The following ITGB1BP1 variants were observed in gnomAD, a reference collection of about 807,000 sequenced individuals.
The protein encoded by ITGB1BP1 is integrin subunit beta 1 binding protein 1.
Under a neutral mutation model 28.0 loss-of-function variants are expected in ITGB1BP1, and 20 were observed. The ratio of observed to expected loss-of-function variants is 0.71; its 90% CI spans 0.50 to 1.04. ITGB1BP1 has a LOEUF of 1.04. Ranked by LOEUF, ITGB1BP1 falls within the 50% of genes least tolerant of loss-of-function variation. The pLI, the probability that ITGB1BP1 is intolerant of heterozygous loss-of-function variation, is 0.00. For synonymous variants in ITGB1BP1, 103 were observed against 89.5 expected (o/e 1.15, Z -0.85); for missense variants, 228 against 242.5 (o/e 0.94, Z 0.40).
intron 2 of ITGB1BP1, among the ~76,000 whole-genome samples, chr2:9,416,289 G>A (rs1054559248): frequency 6.6e-6 from 1 of 152,068 alleles, no homozygotes; most frequent in Non-Finnish European, 1.5e-5. Context: ...ACTTCTCTGG[G>A]CTAAGTACCC....
chr2:9,407,001 C>T, intron 6 of ITGB1BP1, 96 bp from the exon 7 acceptor site: 1 of 913,590 alleles, frequency 1.1e-6, no homozygotes, highest in Admixed American at 1.8e-5. Flanking sequence ...CCTCTTAAGA[C>T]CTCTCCTAAG....
chr2:9,407,734 G>T, intron 5 of ITGB1BP1, 136 bp from the exon 6 acceptor site: 3 of 933,256 alleles, frequency 3.2e-6, no homozygotes, highest in Non-Finnish European at 4.8e-6. Context: ...TGTCCTGTAT[G>T]CTCAGTCTCG....
rs34086297 is a variant in ITGB1BP1, at chr2:9,412,254, A to ATT, written c.288+13_288+14dup. 5,725 of 1,382,546 alleles carry ATT rather than the reference A, an allele frequency of 4.1e-3. 1 individual carries two copies. The highest frequency in any genetic ancestry group is 4.8e-3 in the Non-Finnish European group (4,888 of 1,011,518). The allele number at this position is 1,382,546 out of a possible 1,614,324, so 85.6% of individuals were successfully genotyped here. ...ACTCTCATAACCAGAGAGTTACGGAATTTTTTTTTTTTACCTGGGCAACGT... is the reference window on the plus strand; with the variant it reads ...ACTCTCATAACCAGAGAGTTACGGAATTTTTTTTTTTTTTACCTGGGCAACGT... On this transcript the variant is annotated intron_variant, in intron 4 of 6. Coordinates refer to ENST00000355346, the MANE Select transcript of ITGB1BP1 (RefSeq NM_004763.5).
At chr2:9,421,907 C>T (rs1292533927) in intron 1 of ITGB1BP1, among the ~76,000 whole-genome samples, 1 of 152,034 alleles carries the variant, frequency 6.6e-6, no homozygotes, top group Non-Finnish European at 1.5e-5. Context: ...CTTCAGGCCC[C>T]ACATCCAATC....
chr2:9,407,155 C>T (rs1345769701), intron 6 of ITGB1BP1: 2 of 599,426 alleles, frequency 3.3e-6, no homozygotes, highest in African/African-American at 3.7e-5. Flanking sequence ...AGGAGGGCAA[C>T]AACGTTCGGA....
chr2:9,406,769 T>C lies in ITGB1BP1; in HGVS notation c.*65A>G. 1 of 1,031,788 alleles carries C rather than the reference T, an allele frequency of 9.7e-7. No homozygotes were observed. The highest frequency in any genetic ancestry group is 1.3e-5 in the South Asian group (1 of 79,392). 63.9% of individuals were successfully genotyped at this position (1,031,788 alleles called of 1,614,324 possible). ...ATAACTTCATTATTTGCATAACATT[T>C]CAGCATTGCAGTTTGAAAACAGCTG... On this transcript the variant is annotated 3_prime_UTR_variant, in exon 7 of 7. Coordinates refer to ENST00000355346, the MANE Select transcript of ITGB1BP1 (RefSeq NM_004763.5).
rs878857962 is a variant in ITGB1BP1 at position 9,406,008 on chromosome 2, A to G, written c.*826T>C. On this transcript the variant is annotated 3_prime_UTR_variant, in exon 7 of 7. Coordinates refer to ENST00000355346, the MANE Select transcript of ITGB1BP1 (RefSeq NM_004763.5). ...AAGCCACCACTGAGCCCATGTCCTC[A>G]GTCTTCCTCAGGCCTTCAGTGTGTG... 8 of 147,626 alleles carry G rather than the reference A, an allele frequency of 5.4e-5. No homozygotes were observed. Among genetic ancestry groups the G allele is most frequent in the Non-Finnish European group, 7.6e-5 (5 of 65,652 alleles). 9.1% of individuals were successfully genotyped at this position (147,626 alleles called of 1,614,324 possible).
intron 1 of ITGB1BP1, chr2:9,422,980 G>C (rs1023198520): frequency 1.0e-6 from 1 of 987,232 alleles, no homozygotes; most frequent in Non-Finnish European, 1.2e-6. Flanking sequence ...CTGTCACCGT[G>C]ATGGAGCACC....
rs1162965951 is a variant in ITGB1BP1 at position 9,404,281 on chromosome 2, T to C, written c.*2553A>G. 1 of 152,230 alleles carries C rather than the reference T, an allele frequency of 6.6e-6. No individual in the cohort carries two copies. The highest frequency in any genetic ancestry group is 2.4e-5 in the African/African-American group (1 of 41,474). The allele number at this position is 152,230 out of a possible 1,614,324, so 9.4% of individuals were successfully genotyped here. Reference sequence around the variant, plus strand: ...CTCAGTTTAGTGTCTTGTATTTCTATAATACTCCAACAGGAATGGTAGTCA... The same window carrying C: ...CTCAGTTTAGTGTCTTGTATTTCTACAATACTCCAACAGGAATGGTAGTCA... On this transcript the variant is annotated 3_prime_UTR_variant, in exon 7 of 7. Coordinates refer to ENST00000355346, the MANE Select transcript of ITGB1BP1 (RefSeq NM_004763.5).
intron 3 of ITGB1BP1, among the ~76,000 whole-genome samples, chr2:9,413,001 C>A (rs763918459): frequency 6.6e-6 from 1 of 152,226 alleles, no homozygotes; most frequent in African/African-American, 2.4e-5. Flanking sequence ...ATTCTCTTAA[C>A]GTAACAGCAA....
rs1335582536 is a variant in ITGB1BP1 at position 9,407,448 on chromosome 2, C to G, written c.531+1G>C. ...AGCTAACCAAAGTAACGAAGTCTCACCAGGCTGTTGCACTGATAAACCCAC... is the reference window on the plus strand; with the variant it reads ...AGCTAACCAAAGTAACGAAGTCTCAGCAGGCTGTTGCACTGATAAACCCAC... On this transcript the variant is annotated splice_donor_variant, in intron 6 of 6. Coordinates refer to ENST00000355346, the MANE Select transcript of ITGB1BP1 (RefSeq NM_004763.5). LOFTEE classifies it high-confidence loss of function. 1 of 1,614,190 alleles carries G rather than the reference C, an allele frequency of 6.2e-7. No individual in the cohort carries two copies. Among genetic ancestry groups the G allele is most frequent in the South Asian group, 1.1e-5 (1 of 91,080 alleles).
Position 9,404,560 on chromosome 2 carries a change from A to C in ITGB1BP1, c.*2274T>G, listed in dbSNP as rs1171274226. The C allele has an allele frequency of 6.6e-6, 1 of 152,438 alleles. No individual in the cohort carries two copies. Among genetic ancestry groups the C allele is most frequent in the African/African-American group, 2.4e-5 (1 of 41,442 alleles). 9.4% of individuals were successfully genotyped at this position (152,438 alleles called of 1,614,324 possible). A position where few individuals can be genotyped will look rare whatever the true frequency, so the allele number is the denominator to read the frequency against. ...TAAGATTCATAGTAGGAATATTGGA[A>C]ATTTTGGCACTCTGAGAATAAATAG... On this transcript the variant is annotated 3_prime_UTR_variant, in exon 7 of 7. Transcript: ENST00000355346.
Position 9,403,581 on chromosome 2 carries a change from T to C in ITGB1BP1, c.*3253A>G. On this transcript the variant is annotated 3_prime_UTR_variant, in exon 7 of 7. Coordinates refer to ENST00000355346, the MANE Select transcript of ITGB1BP1 (RefSeq NM_004763.5). ...CCCAACAGGTGAACTGAAAAGTTAT[T>C]TTAACTATTATACATAATCAAGATC... 1 of 487,820 alleles carries C rather than the reference T, an allele frequency of 2.0e-6. No individual in the cohort carries two copies. Among genetic ancestry groups the C allele is most frequent in the Non-Finnish European group, 3.6e-6 (1 of 275,370 alleles). The allele number at this position is 487,820 out of a possible 1,614,324, so 30.2% of individuals were successfully genotyped here. A position where few individuals can be genotyped will look rare whatever the true frequency, so the allele number is the denominator to read the frequency against.
rs905375291 is a variant in ITGB1BP1 at position 9,405,911 on chromosome 2, C to G, written c.*923G>C. ...AAGTTGGCAATGTCACTGTTCCAGA[C>G]CAGCATGAATCCTGGTCTCCAGTCC... On this transcript the variant is annotated 3_prime_UTR_variant, in exon 7 of 7. Transcript: ENST00000355346. 1.3e-5 allele frequency: 2 copies of G among 152,216 alleles called. No homozygotes were observed. Among genetic ancestry groups the G allele is most frequent in the African/African-American group, 4.8e-5 (2 of 41,452 alleles). The allele number at this position is 152,216 out of a possible 1,614,324, so 9.4% of individuals were successfully genotyped here.
At position 9,406,841 on chromosome 2, in the gene ITGB1BP1, T is replaced by G; in HGVS notation, c.596A>C (p.Lys199Thr). ...TCTACTTGATTGCAGGATTCAGGGT[T>G]TCTCAGATGTTAATACAGAGTCAAA... The part of the protein sequence containing the change: ...TAFDSVLTSE[K>T]P Residue 199 changes from lysine to threonine, a missense_variant, in exon 7 of 7, where the codon AAA becomes ACA. Coordinates refer to ENST00000355346, the MANE Select transcript of ITGB1BP1 (RefSeq NM_004763.5). 6.2e-7 allele frequency: 1 copy of G among 1,610,560 alleles called. No homozygotes were observed. Among genetic ancestry groups the G allele is most frequent in the South Asian group, 1.1e-5 (1 of 91,002 alleles).
Position 9,406,911 on chromosome 2 carries a change from T to C in ITGB1BP1, c.532-6A>G, listed in dbSNP as rs1360992481. ...CAAATGGCTTGTGCTTGTTCCTACA[T>C]TACATGAAAGATAGAGTAAGAGCAA... On this transcript the variant is annotated splice_polypyrimidine_tract_variant and splice_region_variant and intron_variant, in intron 6 of 6. Coordinates refer to ENST00000355346, the MANE Select transcript of ITGB1BP1 (RefSeq NM_004763.5). The C allele has an allele frequency of 6.2e-7, 1 of 1,604,944 alleles. No homozygotes were observed. Among genetic ancestry groups the C allele is most frequent in the Non-Finnish European group, 8.5e-7 (1 of 1,171,640 alleles).
At position 9,412,343 on chromosome 2, in the gene ITGB1BP1, C is replaced by G. The variant is rs1225236831; in HGVS notation, c.214G>C (p.Glu72Gln). The G allele has an allele frequency of 6.2e-7, 1 of 1,612,290 alleles. No homozygotes were observed. Among genetic ancestry groups the G allele is most frequent in the African/African-American group, 1.3e-5 (1 of 74,870 alleles). The stretch of plus-strand genomic sequence containing the variant: ...TTTCCCTCGGAGAGTTTCAGTTTCT[C>G]AATGGCACCAACATATTTTATTCGA... ...EFRIKYVGAI[E>Q]KLKLSEGKGL... Residue 72 changes from glutamate (E) to glutamine (Q), a missense_variant, in exon 4 of 7, where the codon GAG (glutamate) becomes CAG (glutamine). Coordinates refer to ENST00000355346, the MANE Select transcript of ITGB1BP1 (RefSeq NM_004763.5).
chr2:9,413,079 T>C (rs1270210156), intron 3 of ITGB1BP1, among the ~76,000 whole-genome samples: 1 of 152,184 alleles, frequency 6.6e-6, no homozygotes, highest in Non-Finnish European at 1.5e-5. Flanking sequence ...ACTTATAACC[T>C]CAACCATATT....
At chr2:9,410,045 C>G (rs1343670891) in intron 4 of ITGB1BP1, among the ~76,000 whole-genome samples, 7 of 152,004 alleles carry the variant, frequency 4.6e-5, no homozygotes, top group African/African-American at 1.7e-4. Flanking sequence ...TGGAGTTTCA[C>G]CGTGTTAGCC....
Sources: allele counts gnomAD v4.1 joint callset (sites outside exome capture counted in the v4.1 genomes callset), GRCh38; gene constraint gnomAD v4.1.1; transcripts MANE v1.5; gene names NCBI Gene and HGNC (gene_info 2026-07-23, HGNC 2026-07-21).